Variants in MCF2 observed in about 807,000 individuals in gnomAD.
MCF2 encodes proto-oncogene DBL.
Under a neutral mutation model 82.5 loss-of-function variants are expected in MCF2, and 44 were observed. That is an observed-to-expected ratio of 0.53 (90% CI 0.42 to 0.69). MCF2 has a LOEUF of 0.69. Among genes scored for constraint, MCF2 ranks in the 30% least tolerant of loss-of-function variants. The pLI is 0.00. For missense variants in MCF2, 623 were observed against 663.1 expected (o/e 0.94, Z 0.66); for synonymous variants, 217 against 224.9 (o/e 0.96, Z 0.32).
intron 1 of MCF2, among the ~76,000 whole-genome samples, chrX:139,657,656 A>G (rs932749069): frequency 4.3e-4 from 48 of 112,502 alleles, no homozygotes; most frequent in African/African-American, 1.6e-3. Context: ...ACACACTGCA[A>G]TATTTCCTAG....
chrX:139,696,622 T>C (rs1935391084), intron 1 of MCF2, among the ~76,000 whole-genome samples: 2 of 110,740 alleles, frequency 1.8e-5, no homozygotes, highest in Admixed American at 1.9e-4. Context: ...AGAGACGGGG[T>C]TTCGCCATGT....
At chrX:139,622,431 G>A (rs993949725) in intron 6 of MCF2, among the ~76,000 whole-genome samples, 6 of 111,642 alleles carry the variant, frequency 5.4e-5, no homozygotes, top group African/African-American at 9.8e-5. Context: ...ATATGCACAC[G>A]TATGTTTATT....
At chrX:139,588,515 G>A (rs930529386) in intron 20 of MCF2, 77 bp from the exon 25 acceptor site, 69 of 588,616 alleles carry the variant, frequency 1.2e-4, no homozygotes, top group South Asian at 1.2e-3. Flanking sequence ...TAAAACAAAT[G>A]TAATTGTGTA....
intron 1 of MCF2, among the ~76,000 whole-genome samples, chrX:139,702,004 A>G (rs1447461609): frequency 9.0e-6 from 1 of 110,943 alleles, no homozygotes; most frequent in Non-Finnish European, 1.9e-5. Context: ...CTCAGAGTCT[A>G]TCACCCCTGG....
At chrX:139,683,771 T>C (rs1935058447) in intron 1 of MCF2, among the ~76,000 whole-genome samples, 1 of 111,281 alleles carries the variant, frequency 9.0e-6, no homozygotes, top group Non-Finnish European at 1.9e-5. Flanking sequence ...AACCTGGAGG[T>C]GCACATGGAA....
chrX:139,597,631 T>G lies in MCF2; in HGVS notation c.1930-46A>C, dbSNP rs549532831. On this transcript the variant is annotated intron_variant, in intron 17 of 24. Coordinates refer to ENST00000370576, the Ensembl canonical transcript of MCF2. Reference sequence around the variant, plus strand: ...TTAATATTAGGCAGATATTAATATCTGGTTGAAATGAATAAGTTTTTGGCT... The same window carrying G: ...TTAATATTAGGCAGATATTAATATCGGGTTGAAATGAATAAGTTTTTGGCT... 1.6e-5 allele frequency: 17 copies of G among 1,037,753 alleles called. 1 individual carries two copies. In the South Asian group the frequency reaches 3.6e-4, roughly 22 times the overall value. 85.5% of individuals were successfully genotyped at this position (1,037,753 alleles called of 1,213,427 possible). A position where few individuals can be genotyped will look rare whatever the true frequency, so the allele number is the denominator to read the frequency against.
chrX:139,661,398 A>G (rs1934351964), intron 1 of MCF2, among the ~76,000 whole-genome samples: 1 of 112,139 alleles, frequency 8.9e-6, no homozygotes, highest in Non-Finnish European at 1.9e-5. Flanking sequence ...GTCAACGCCT[A>G]CAACAGAATG....
At chrX:139,675,251 CT>C (rs1934831916) in intron 1 of MCF2, among the ~76,000 whole-genome samples, 1 of 112,094 alleles carries the variant, frequency 8.9e-6, no homozygotes, top group African/African-American at 3.3e-5. Context: ...AAACATCCTC[CT>C]TTAGCTTGGA....
chrX:139,626,077 CT>C (rs768442309), intron 6 of MCF2, 115 bp downstream of exon 9: 79 of 379,731 alleles, frequency 2.1e-4, no homozygotes, highest in African/African-American at 1.5e-3. Context: ...CATTTGCCTC[CT>C]TTTTTTTCTT....
chrX:139,642,271 C>A (rs1341457454), intron 1 of MCF2, among the ~76,000 whole-genome samples: 1 of 111,861 alleles, frequency 8.9e-6, no homozygotes, highest in Admixed American at 9.5e-5. Context: ...ATATTCTACC[C>A]CCTCAATTGC....
chrX:139,587,858 TTC>T (rs1193243461), intron 21 of MCF2, 70 bp from the exon 26 acceptor site: 25 of 597,015 alleles, frequency 4.2e-5, no homozygotes, highest in East Asian at 6.8e-5. Context: ...GCCAATGACT[TTC>T]TCTCTCTCAC....
chrX:139,663,460 T>C (rs921271015), intron 1 of MCF2, among the ~76,000 whole-genome samples: 1 of 111,712 alleles, frequency 9.0e-6, no homozygotes, highest in Non-Finnish European at 1.9e-5. Context: ...ACTTTTATTC[T>C]AGGTTTGGAG....
At chrX:139,595,177 C>G (rs1929945095) in intron 19 of MCF2, among the ~76,000 whole-genome samples, 1 of 108,291 alleles carries the variant, frequency 9.2e-6, no homozygotes, top group Non-Finnish European at 1.9e-5. Flanking sequence ...GGCGATTCCT[C>G]AGGGATCTAG....
At chrX:139,627,132 A>G (rs1226452747) in intron 4 of MCF2, among the ~76,000 whole-genome samples, 3 of 111,427 alleles carry the variant, frequency 2.7e-5, no homozygotes, top group Non-Finnish European at 5.7e-5. Context: ...GGATCTTGCT[A>G]TGTTGCCCAG....
In MCF2 at chrX:139,595,041, C is replaced by T. The variant is rs1411689943; in HGVS notation, c.2277+1508G>A. On this transcript the variant is annotated intron_variant, in intron 19 of 24. Transcript: ENST00000370576. ...ACCACAATGAGATATCATCTCACACCAGTTAGAATGGCAATCATTAAAAAG... is the reference window on the plus strand; with the variant it reads ...ACCACAATGAGATATCATCTCACACTAGTTAGAATGGCAATCATTAAAAAG... Among the ~76,000 whole-genome samples the T allele has an allele frequency of 1.5e-4, 17 of 110,186 alleles. No homozygotes were observed. In the East Asian group the frequency reaches 4.6e-3, roughly 30 times the overall value.
intron 1 of MCF2, among the ~76,000 whole-genome samples, chrX:139,690,343 T>TTG (rs1556125361): frequency 5.7e-4 from 59 of 103,597 alleles, no homozygotes; most frequent in African/African-American, 2.0e-3. Context: ...AAGGAGTTTT[T>TTG]TTTTTTTTTT....
At chrX:139,676,868 G>T (rs1168620265) in intron 1 of MCF2, among the ~76,000 whole-genome samples, 1 of 111,891 alleles carries the variant, frequency 8.9e-6, no homozygotes, top group African/African-American at 3.3e-5. Flanking sequence ...GAGCAGGGCA[G>T]GAGAGGGACA....
chrX:139,622,960 C>T (rs895040694), intron 6 of MCF2, among the ~76,000 whole-genome samples: 1 of 111,183 alleles, frequency 9.0e-6, no homozygotes, highest in Non-Finnish European at 1.9e-5. Context: ...CAAAAGAAGA[C>T]ATACAGATTT....
chrX:139,628,312 T>C (rs1932812497), intron 4 of MCF2, among the ~76,000 whole-genome samples: 1 of 111,953 alleles, frequency 8.9e-6, no homozygotes, highest in Admixed American at 9.5e-5. Context: ...AACGAGATCA[T>C]GTCCTCTGCA....
Sources: allele counts gnomAD v4.1 joint callset (sites outside exome capture counted in the v4.1 genomes callset), GRCh38; gene constraint gnomAD v4.1.1; transcripts MANE v1.5; gene names NCBI Gene and HGNC (gene_info 2026-07-23, HGNC 2026-07-21).